Variants in SNX29 observed in about 807,000 individuals in gnomAD.
The protein encoded by SNX29 is sorting nexin 29, also known as sorting nexin-29.
A neutral mutation model predicts 102.1 loss-of-function variants in SNX29; 78 were observed. The observed-to-expected ratio is 0.76, with a 90% confidence interval of 0.64 to 0.92. The LOEUF is 0.92. Ranked by LOEUF, SNX29 falls within the 40% of genes least tolerant of loss-of-function variation. The pLI is 0.00. For missense variants in SNX29, 1,280 were observed against 1,061.7 expected, an observed-to-expected ratio of 1.21 and a Z score of -2.86; for synonymous variants, 580 against 414.5, an observed-to-expected ratio of 1.40 and a Z score of -4.85.
intron 9 of SNX29, among the ~76,000 whole-genome samples, chr16:12,063,536 G>A (rs988894981): frequency 2.0e-5 from 3 of 151,706 alleles, no homozygotes; most frequent in South Asian, 2.1e-4. Context: ...CACCATGCCC[G>A]GCTAAATTCT....
chr16:12,149,282 G>A (rs1371541527), intron 13 of SNX29, among the ~76,000 whole-genome samples: 1 of 152,178 alleles, frequency 6.6e-6, no homozygotes, highest in Non-Finnish European at 1.5e-5. Flanking sequence ...CTCGTACAGA[G>A]GTTACCGCAA....
rs145689213 is a variant in SNX29, at chr16:12,062,107, G to A, written c.1243+461G>A. The stretch of plus-strand genomic sequence containing the variant: ...TAAAAGCTGTTTCTGGGCTGGGTGC[G>A]ATATCTCATGCCTGTAATCCCAGCA... On this transcript the variant is annotated intron_variant, in intron 9 of 20. Coordinates refer to ENST00000566228, the MANE Select transcript of SNX29 (RefSeq NM_032167.5). 1.8e-3 allele frequency among the ~76,000 whole-genome samples: 275 copies of A among 152,198 alleles called. 6 individuals are homozygous for A. In the East Asian group the frequency reaches 0.046, roughly 25 times the overall value.
chr16:12,481,218 C>G (rs964303807), intron 19 of SNX29, among the ~76,000 whole-genome samples: 5 of 152,174 alleles, frequency 3.3e-5, no homozygotes, highest in Admixed American at 6.5e-5. Flanking sequence ...AGTGCACCAG[C>G]TGGTTCTTAA....
intron 20 of SNX29, chr16:12,556,360 A>T (rs1222379519): frequency 2.0e-5 from 3 of 152,246 alleles, no homozygotes. Context: ...CACCTGGTTG[A>T]GTATACCAGT....
At chr16:12,556,429 G>A (rs916884192) in intron 20 of SNX29, 12 of 152,258 alleles carry the variant, frequency 7.9e-5, no homozygotes, top group African/African-American at 2.7e-4. Flanking sequence ...GGCTACAGAT[G>A]CTGTGAAGAA....
chr16:12,221,206 C>T (rs995864729), intron 14 of SNX29, among the ~76,000 whole-genome samples: 3 of 151,600 alleles, frequency 2.0e-5, no homozygotes, highest in Non-Finnish European at 4.4e-5. Context: ...GGCACTGATA[C>T]GCAGCAGGCT....
chr16:11,999,494 T>C (rs946103566), intron 2 of SNX29, 136 bp downstream of exon 2: 3 of 876,870 alleles, frequency 3.4e-6, no homozygotes, highest in African/African-American at 3.4e-5. Flanking sequence ...TCTACTCATT[T>C]TTCCCAGGAA....
intron 20 of SNX29, among the ~76,000 whole-genome samples, chr16:12,557,150 C>T (rs1299088331): frequency 2.0e-5 from 3 of 152,086 alleles, no homozygotes; most frequent in Non-Finnish European, 2.9e-5. Flanking sequence ...CCCCTGGTCA[C>T]AATTTCCATT....
chr16:12,215,222 C>T (rs754295920), intron 14 of SNX29, among the ~76,000 whole-genome samples: 12 of 151,518 alleles, frequency 7.9e-5, no homozygotes, highest in Admixed American at 3.3e-4. Context: ...CGGCTGGGCA[C>T]GGCGGCTTCC....
At chr16:12,304,298 T>A (rs970228546) in intron 15 of SNX29, among the ~76,000 whole-genome samples, 20 of 152,138 alleles carry the variant, frequency 1.3e-4, no homozygotes, top group Admixed American at 1.2e-3. Flanking sequence ...TTGGCTTTTT[T>A]GTTGTTGTTG....
chr16:12,537,862 A>G (rs2077145923), intron 20 of SNX29, among the ~76,000 whole-genome samples: 1 of 151,938 alleles, frequency 6.6e-6, no homozygotes, highest in Non-Finnish European at 1.5e-5. Flanking sequence ...GCTCACGCTT[A>G]TAGTCCCAGC....
chr16:12,352,534 T>C (rs1212388695), intron 15 of SNX29, among the ~76,000 whole-genome samples: 1 of 152,222 alleles, frequency 6.6e-6, no homozygotes, highest in Non-Finnish European at 1.5e-5. Flanking sequence ...ATTTGATAGA[T>C]GTTGCCAAAT....
intron 20 of SNX29, among the ~76,000 whole-genome samples, chr16:12,544,199 T>A (rs1282230548): frequency 6.6e-6 from 1 of 152,204 alleles, no homozygotes; most frequent in African/African-American, 2.4e-5. Context: ...CAGCCAAGGC[T>A]TCAGAACCGT....
chr16:12,160,807 TG>T (rs1166280944), intron 13 of SNX29, among the ~76,000 whole-genome samples: 2 of 152,258 alleles, frequency 1.3e-5, no homozygotes, highest in Non-Finnish European at 2.9e-5. Context: ...CGTAACTTCA[TG>T]GCAGAAGTGT....
rs1383682556 is a variant in SNX29 at position 12,043,004 on chromosome 16, C to A, written c.355C>A (p.Leu119Met). Residue 119 changes from leucine to methionine, a missense_variant, in exon 5 of 21, where the codon CTG (leucine) becomes ATG (methionine). Leu to Met is a conservative substitution (Grantham distance 15, BLOSUM62 2). Transcript: ENST00000566228. ...ASDVGRGRAW[L>M]RCALNEHSLE... ...AGACGTGGGCCGGGGTCGCGCCTGGCTGCGCTGTGCCCTCAACGAACACTC... is the reference window on the plus strand; with the variant it reads ...AGACGTGGGCCGGGGTCGCGCCTGGATGCGCTGTGCCCTCAACGAACACTC... 6.2e-7 allele frequency: 1 copy of A among 1,613,552 alleles called. No individual in the cohort carries two copies. The highest frequency in any genetic ancestry group is 8.5e-7 in the Non-Finnish European group (1 of 1,179,878).
intron 14 of SNX29, among the ~76,000 whole-genome samples, chr16:12,206,913 A>G (rs887826092): frequency 6.7e-6 from 1 of 149,640 alleles, no homozygotes; most frequent in African/African-American, 2.4e-5. Context: ...TCACTTTCCA[A>G]TTAATGAAGT....
chr16:12,538,004 T>TTGTC (rs1342521039), intron 20 of SNX29, among the ~76,000 whole-genome samples: 7 of 149,742 alleles, frequency 4.7e-5, no homozygotes, highest in African/African-American at 1.5e-4. Flanking sequence ...AAAAAAAAAA[T>TTGTC]TGTCTGCCAT....
chr16:12,258,450 C>G (rs1319509161), intron 14 of SNX29, among the ~76,000 whole-genome samples: 1 of 152,140 alleles, frequency 6.6e-6, no homozygotes, highest in Non-Finnish European at 1.5e-5. Context: ...GAGGCCCAGC[C>G]TCCATGTCTG....
At chr16:12,539,475 T>G (rs544121570) in intron 20 of SNX29, among the ~76,000 whole-genome samples, 12 of 152,344 alleles carry the variant, frequency 7.9e-5, no homozygotes, top group African/African-American at 2.9e-4. Context: ...ATACCACGGT[T>G]TATCTAGTCA....
Sources: gnomAD v4.1 joint callset for allele counts (sites outside exome capture counted in the v4.1 genomes callset) on GRCh38, gnomAD v4.1.1 for gene constraint, MANE v1.5 for transcripts, NCBI Gene and HGNC (gene_info 2026-07-23, HGNC 2026-07-21) for gene names.